Variants in ROBO1 observed in about 807,000 individuals in gnomAD.
ROBO1 encodes roundabout homolog 1.
ROBO1 carries 149 observed loss-of-function variants against 195.9 expected under a neutral mutation model. The observed-to-expected ratio is 0.76, with a 90% CI of 0.67 to 0.87. The LOEUF is 0.87. Among genes scored for constraint, ROBO1 ranks in the 40% least tolerant of loss-of-function variants. The pLI, the probability that ROBO1 is intolerant of heterozygous loss-of-function variation, is 0.00. For synonymous variants in ROBO1, 816 were observed against 733.2 expected, an observed-to-expected ratio of 1.11 and a Z score of -1.82; for missense variants, 1,933 against 2,068.3, an observed-to-expected ratio of 0.93 and a Z score of 1.27.
chr3:78,900,798 T>C (rs1423429293), intron 4 of ROBO1, among the ~76,000 whole-genome samples: 2 of 152,152 alleles, frequency 1.3e-5, no homozygotes, highest in African/African-American at 2.4e-5. Context: ...CAATTTCCAA[T>C]ATAAATTTAA....
chr3:79,161,249 C>G (rs2080958933), intron 2 of ROBO1, among the ~76,000 whole-genome samples: 1 of 152,058 alleles, frequency 6.6e-6, no homozygotes, highest in South Asian at 2.1e-4. Context: ...AAGGATCCCA[C>G]TCTATGATCC....
At chr3:79,735,870 C>CAAAAAAAA (rs1220855864) in intron 1 of ROBO1, among the ~76,000 whole-genome samples, 3 of 70,778 alleles carry the variant, frequency 4.2e-5, no homozygotes, top group African/African-American at 1.1e-4. Flanking sequence ...GACTCCGTCT[C>CAAAAAAAA]AAAAAAAAAA....
intron 1 of ROBO1, among the ~76,000 whole-genome samples, chr3:79,755,580 T>C (rs1185456607): frequency 6.6e-6 from 1 of 151,996 alleles, no homozygotes; most frequent in Non-Finnish European, 1.5e-5. Context: ...CCAAATTACA[T>C]CTATTTAAAA....
chr3:79,758,169 G>GGGAGTAAAA (rs1704507140), intron 1 of ROBO1, among the ~76,000 whole-genome samples: 1 of 152,122 alleles, frequency 6.6e-6, no homozygotes, highest in South Asian at 2.1e-4. Flanking sequence ...TAATTTTACT[G>GGGAGTAAAA]TGAGTCTATT....
chr3:78,673,605 T>TATATATATAC lies in ROBO1; in HGVS notation c.1343-3305_1343-3304insGTATATATAT, dbSNP rs779997525. Among the ~76,000 whole-genome samples, 368 of 52,878 alleles carry TATATATATAC rather than the reference T, an allele frequency of 7.0e-3. 3 individuals are homozygous for TATATATATAC. The highest frequency in any genetic ancestry group is 9.3e-3 in the Admixed American group (33 of 3,548). The allele number at this position is 52,878 out of a possible 152,430, so 34.7% of individuals were successfully genotyped here. Reference sequence around the variant, plus strand: ...ATATATATATATATATATATATATATACACACATATATTACAGCAGGGTTA... The same window carrying TATATATATAC: ...ATATATATATATATATATATATATATATATATATACACACACATATATTACAGCAGGGTTA... On this transcript the variant is annotated intron_variant, in intron 10 of 30. Coordinates refer to ENST00000464233, the MANE Select transcript of ROBO1 (RefSeq NM_002941.4).
At chr3:78,915,455 GAGC>G (rs1559994953) in intron 4 of ROBO1, among the ~76,000 whole-genome samples, 1 of 152,014 alleles carries the variant, frequency 6.6e-6, no homozygotes, top group Non-Finnish European at 1.5e-5. Flanking sequence ...ATAATAAATA[GAGC>G]AGATTAACAT....
chr3:79,560,420 A>C (rs1162637728), intron 2 of ROBO1, among the ~76,000 whole-genome samples: 1 of 148,594 alleles, frequency 6.7e-6, no homozygotes. Flanking sequence ...ATTAGGAGAT[A>C]TACCTAATGC....
intron 4 of ROBO1, among the ~76,000 whole-genome samples, chr3:78,853,222 G>A (rs137940547): frequency 1.1e-3 from 173 of 151,904 alleles, no homozygotes; most frequent in African/African-American, 4.1e-3. Flanking sequence ...AAAGGAGTAC[G>A]GGAGAGGTGA....
intron 4 of ROBO1, among the ~76,000 whole-genome samples, chr3:78,849,123 G>A (rs940380420): frequency 2.6e-5 from 4 of 152,140 alleles, no homozygotes; most frequent in African/African-American, 9.7e-5. Context: ...GGGGAATTCC[G>A]TGAGTGGAGT....
At chr3:79,751,750 T>C (rs1704138719) in intron 1 of ROBO1, among the ~76,000 whole-genome samples, 1 of 152,188 alleles carries the variant, frequency 6.6e-6, no homozygotes, top group Non-Finnish European at 1.5e-5. Context: ...ATCTGATTAT[T>C]CAGATAACAA....
intron 8 of ROBO1, among the ~76,000 whole-genome samples, chr3:78,692,052 A>C (rs1255818469): frequency 1.3e-5 from 2 of 151,452 alleles, no homozygotes; most frequent in South Asian, 2.1e-4. Context: ...TATATAATAC[A>C]TAATAAAGTA....
chr3:79,534,338 A>G (rs1941774373), intron 2 of ROBO1, among the ~76,000 whole-genome samples: 1 of 152,026 alleles, frequency 6.6e-6, no homozygotes, highest in African/African-American at 2.4e-5. Context: ...TGAAATAGAA[A>G]ACGAATATGC....
chr3:78,924,994 T>A (rs983051467), intron 4 of ROBO1, among the ~76,000 whole-genome samples: 5 of 152,040 alleles, frequency 3.3e-5, no homozygotes, highest in Admixed American at 3.3e-4. Context: ...TTTAATATTT[T>A]AAAAATCTAA....
At chr3:79,758,634 A>G (rs899252399) in intron 1 of ROBO1, among the ~76,000 whole-genome samples, 6 of 152,208 alleles carry the variant, frequency 3.9e-5, no homozygotes, top group African/African-American at 1.2e-4. Flanking sequence ...CTCTACAGAG[A>G]GAAAAGAAGA....
chr3:78,711,367 C>T lies in ROBO1; in HGVS notation c.1045+3030G>A, dbSNP rs1306958495. ...TCCTTCCTCCTTCCTTCCTTCCTTC[C>T]TTCCTTCCTTCCTTCCTTCCTTCCT... On this transcript the variant is annotated intron_variant, in intron 8 of 30. Transcript: ENST00000464233. 1.8e-3 allele frequency among the ~76,000 whole-genome samples: 59 copies of T among 32,072 alleles called. 2 individuals are homozygous for T. The highest frequency in any genetic ancestry group is 2.1e-3 in the Non-Finnish European group (37 of 17,414). 21.0% of individuals were successfully genotyped at this position (32,072 alleles called of 152,430 possible). A position where few individuals can be genotyped will look rare whatever the true frequency, so the allele number is the denominator to read the frequency against.
At chr3:78,875,544 T>C (rs1473991392) in intron 4 of ROBO1, among the ~76,000 whole-genome samples, 1 of 151,436 alleles carries the variant, frequency 6.6e-6, no homozygotes, top group Non-Finnish European at 1.5e-5. Context: ...AAAGCTAGAA[T>C]AGAAAAAAAA....
chr3:79,416,050 T>C (rs2037986691), intron 2 of ROBO1, among the ~76,000 whole-genome samples: 1 of 151,176 alleles, frequency 6.6e-6, no homozygotes, highest in South Asian at 2.1e-4. Flanking sequence ...TGATGAGTGT[T>C]GGGTCAGAAA....
At chr3:79,631,684 T>TAG (rs1274561619) in intron 1 of ROBO1, among the ~76,000 whole-genome samples, 2 of 151,742 alleles carry the variant, frequency 1.3e-5, no homozygotes, top group Admixed American at 6.6e-5. Context: ...AAATAATCAA[T>TAG]AGAGTAAGGA....
At chr3:79,575,166 T>TATATATAAATATATATAACAA (rs2107763388) in intron 2 of ROBO1, among the ~76,000 whole-genome samples, 1 of 119,092 alleles carries the variant, frequency 8.4e-6, no homozygotes, top group Admixed American at 9.1e-5. Context: ...ATATAACAAA[T>TATATATAAATATATATAACAA]ATATATAAAT....
Sources: gnomAD v4.1 joint callset for allele counts (sites outside exome capture counted in the v4.1 genomes callset) on GRCh38, gnomAD v4.1.1 for gene constraint, MANE v1.5 for transcripts, NCBI Gene and HGNC (gene_info 2026-07-23, HGNC 2026-07-21) for gene names.